Variants in PARD3B observed in about 807,000 individuals in gnomAD.
PARD3B encodes the protein partitioning defective 3 homolog B.
In PARD3B, 103 loss-of-function variants were observed where a neutral mutation model predicts 130.2. The observed-to-expected ratio is 0.79, with a 90% confidence interval of 0.67 to 0.93. The LOEUF is 0.93. PARD3B is among the 40% of genes least tolerant of loss of function. PARD3B has a pLI of 0.00. For synonymous variants in PARD3B, 583 were observed against 553.2 expected (o/e 1.05, Z -0.76); for missense variants, 1,609 against 1,499.2 (o/e 1.07, Z -1.21).
intron 2 of PARD3B, among the ~76,000 whole-genome samples, chr2:204,764,033 G>T (rs2041023617): frequency 6.6e-6 from 1 of 152,022 alleles, no homozygotes; most frequent in Admixed American, 6.6e-5. Context: ...TAAATTCTTT[G>T]TCCCATGACC....
At chr2:205,442,037 T>C (rs1270349832) in intron 20 of PARD3B, among the ~76,000 whole-genome samples, 1 of 152,046 alleles carries the variant, frequency 6.6e-6, no homozygotes, top group African/African-American at 2.4e-5. Flanking sequence ...CAGGCATGAG[T>C]CTCTTCTCAC....
intron 18 of PARD3B, among the ~76,000 whole-genome samples, chr2:205,355,754 A>C (rs1347319158): frequency 6.6e-6 from 1 of 152,246 alleles, no homozygotes; most frequent in Non-Finnish European, 1.5e-5. Context: ...ATTGGCTCAC[A>C]GTTCAGCATG....
At chr2:205,172,157 T>C in intron 11 of PARD3B, 54 bp from the exon 12 acceptor site, 2 of 1,549,128 alleles carry the variant, frequency 1.3e-6, no homozygotes, top group East Asian at 2.3e-5. Flanking sequence ...AAACGCCACA[T>C]GTCATCACCA....
At chr2:205,409,948 A>T (rs1460581729) in intron 19 of PARD3B, among the ~76,000 whole-genome samples, 1 of 152,176 alleles carries the variant, frequency 6.6e-6, no homozygotes, top group African/African-American at 2.4e-5. Context: ...TGTAATATAA[A>T]CGTATTAAAT....
intron 18 of PARD3B, among the ~76,000 whole-genome samples, chr2:205,346,924 TG>T (rs879877421): frequency 6.6e-6 from 1 of 152,200 alleles, no homozygotes; most frequent in Admixed American, 6.5e-5. Context: ...TAATGCTCGG[TG>T]GGTGGCCTTC....
rs140656502 is a variant in PARD3B at position 205,455,431 on chromosome 2, A to C, written c.3044+14759A>C. ...GTTTAAGCTAATGTAATATATGCTG[A>C]TATGTGAGCATTTACACCATTTTGT... On this transcript the variant is annotated intron_variant, in intron 20 of 22. Transcript: ENST00000406610. Among the ~76,000 whole-genome samples, 411 of 152,198 alleles carry C rather than the reference A, an allele frequency of 2.7e-3. 1 individual carries two copies. Among genetic ancestry groups the C allele is most frequent in the African/African-American group, 9.4e-3 (389 of 41,558 alleles).
intron 18 of PARD3B, among the ~76,000 whole-genome samples, chr2:205,367,113 G>T (rs972640505): frequency 2.0e-5 from 3 of 152,232 alleles, no homozygotes; most frequent in Non-Finnish European, 4.4e-5. Context: ...CTTCAAGAAT[G>T]ATTGGAGCTG....
intron 19 of PARD3B, among the ~76,000 whole-genome samples, chr2:205,402,409 T>G (rs1026132522): frequency 6.6e-6 from 1 of 152,202 alleles, no homozygotes; most frequent in African/African-American, 2.4e-5. Context: ...TCATAGATCT[T>G]TGCTGCTCCC....
At position 204,879,712 on chromosome 2, in the gene PARD3B, G is replaced by A. The variant is rs534593835; in HGVS notation, c.223-85440G>A. Among the ~76,000 whole-genome samples the A allele has an allele frequency of 1.2e-4, 18 of 152,330 alleles. No individual in the cohort carries two copies. In the South Asian group the frequency reaches 3.5e-3, roughly 30 times the overall value. The stretch of plus-strand genomic sequence containing the variant: ...GCCCTTTGTAAAGCTATTAAAGGTT[G>A]TTAATTACCAGCCTTAAAAGATTGG... On this transcript the variant is annotated intron_variant, in intron 2 of 22. Coordinates refer to ENST00000406610, the MANE Select transcript of PARD3B (RefSeq NM_001302769.2).
chr2:205,054,206 G>A (rs1244474879), intron 4 of PARD3B, among the ~76,000 whole-genome samples: 1 of 151,544 alleles, frequency 6.6e-6, no homozygotes, highest in East Asian at 1.9e-4. Flanking sequence ...TATCTCAGCA[G>A]AAGATGTTAA....
At position 205,447,481 on chromosome 2, in the gene PARD3B, G is replaced by A. The variant is rs377188931; in HGVS notation, c.3044+6809G>A. Among the ~76,000 whole-genome samples, 38 of 152,290 alleles carry A rather than the reference G, an allele frequency of 2.5e-4. 1 individual carries two copies. The East Asian group carries it at 5.2e-3, about 21-fold the overall frequency. On this transcript the variant is annotated intron_variant, in intron 20 of 22. Transcript: ENST00000406610. ...CAACCTCCACCTCCTGGATTCAAGCGATTCCCTTGCCTCAGCCTCCCGAGT... is the reference window on the plus strand; with the variant it reads ...CAACCTCCACCTCCTGGATTCAAGCAATTCCCTTGCCTCAGCCTCCCGAGT...
At chr2:204,773,812 G>A (rs997256135) in intron 2 of PARD3B, among the ~76,000 whole-genome samples, 53 of 151,848 alleles carry the variant, frequency 3.5e-4, no homozygotes, top group African/African-American at 1.1e-3. Context: ...CACGTACCCC[G>A]CTCTCATCCC....
intron 2 of PARD3B, among the ~76,000 whole-genome samples, chr2:204,834,822 G>A (rs996520918): frequency 3.3e-5 from 5 of 152,108 alleles, no homozygotes; most frequent in African/African-American, 1.2e-4. Flanking sequence ...CTGTGTCAGC[G>A]ATGGGCTGAA....
At chr2:205,611,376 A>G (rs1388534712) in intron 22 of PARD3B, among the ~76,000 whole-genome samples, 1 of 152,204 alleles carries the variant, frequency 6.6e-6, no homozygotes, top group African/African-American at 2.4e-5. Context: ...CAGCACCCAG[A>G]GCTGGCTATC....
At chr2:205,519,443 T>C (rs1181244215) in intron 21 of PARD3B, among the ~76,000 whole-genome samples, 1 of 152,240 alleles carries the variant, frequency 6.6e-6, no homozygotes, top group Non-Finnish European at 1.5e-5. Flanking sequence ...TATGTTCTTT[T>C]TTTGGACTGG....
In PARD3B at chr2:205,523,225, G is replaced by GTA. The variant is rs906912640; in HGVS notation, c.3180+23210_3180+23211dup. 2.1e-4 allele frequency among the ~76,000 whole-genome samples: 30 copies of GTA among 142,958 alleles called. No individual in the cohort carries two copies. The South Asian group carries it at 2.7e-3, about 13-fold the overall frequency. The allele number at this position is 142,958 out of a possible 152,430, so 93.8% of individuals were successfully genotyped here. A position where few individuals can be genotyped will look rare whatever the true frequency, so the allele number is the denominator to read the frequency against. The stretch of plus-strand genomic sequence containing the variant: ...GTGTACTATATGTGTGTGTGTGTGT[G>GTA]TATATATATATATATATTTATATAT... On this transcript the variant is annotated intron_variant, in intron 21 of 22. Coordinates refer to ENST00000406610, the MANE Select transcript of PARD3B (RefSeq NM_001302769.2).
rs79817002 is a variant in PARD3B at position 204,882,027 on chromosome 2, C to T, written c.223-83125C>T. Among the ~76,000 whole-genome samples the T allele has an allele frequency of 6.6e-3, 1,003 of 152,276 alleles. 10 individuals are homozygous for T. Among genetic ancestry groups the T allele is most frequent in the African/African-American group, 0.022 (906 of 41,552 alleles). On this transcript the variant is annotated intron_variant, in intron 2 of 22. Coordinates refer to ENST00000406610, the MANE Select transcript of PARD3B (RefSeq NM_001302769.2). The stretch of plus-strand genomic sequence containing the variant: ...ACATCCTGGCGTCAGGCAGCACAGT[C>T]GCCTTCTTACACATGTATGCTTCCT...
rs149313029 is a variant in PARD3B, at chr2:204,649,763, C to T, written c.121-36418C>T. On this transcript the variant is annotated intron_variant, in intron 1 of 22. Coordinates refer to ENST00000406610, the MANE Select transcript of PARD3B (RefSeq NM_001302769.2). ...TCCTTAAACCATATACAAAAATTAA[C>T]TCAAGATGGATTAAAGACTTAAATG... is the stretch of plus-strand genomic sequence containing the variant. 3.3e-3 allele frequency among the ~76,000 whole-genome samples: 495 copies of T among 152,198 alleles called. 2 individuals are homozygous for T. Among genetic ancestry groups the T allele is most frequent in the African/African-American group, 0.011 (470 of 41,540 alleles).
At chr2:204,837,912 C>G (rs2044109231) in intron 2 of PARD3B, among the ~76,000 whole-genome samples, 1 of 152,098 alleles carries the variant, frequency 6.6e-6, no homozygotes, top group Admixed American at 6.6e-5. Flanking sequence ...AAGGCTCACC[C>G]CAACAACCCA....
Sources: gnomAD v4.1 joint callset for allele counts (sites outside exome capture counted in the v4.1 genomes callset) on GRCh38, gnomAD v4.1.1 for gene constraint, MANE v1.5 for transcripts, NCBI Gene and HGNC (gene_info 2026-07-23, HGNC 2026-07-21) for gene names.